MSH3: variants seen among roughly 807,000 people sequenced by gnomAD.
MSH3 encodes mutS homolog 3, also known as DNA mismatch repair protein Msh3.
MSH3 carries 106 observed loss-of-function variants against 123.3 expected under a neutral mutation model. The observed-to-expected ratio is 0.86, with a 90% confidence interval of 0.73 to 1.01. The LOEUF is 1.01. MSH3 is among the 50% of genes least tolerant of loss of function. The pLI is 0.00. For synonymous variants in MSH3, 515 were observed against 481.4 expected, an observed-to-expected ratio of 1.07 and a Z score of -0.91; for missense variants, 1,459 against 1,347.6, an observed-to-expected ratio of 1.08 and a Z score of -1.29.
intron 8 of MSH3, among the ~76,000 whole-genome samples, chr5:80,695,355 G>T (rs1750453733): frequency 1.3e-5 from 2 of 150,428 alleles, no homozygotes; most frequent in Non-Finnish European, 3.0e-5. Context: ...TTTTTTTTGA[G>T]ACAGAGTTTT....
At chr5:80,818,402 CAAAAAAA>C (rs71603566) in intron 20 of MSH3, among the ~76,000 whole-genome samples, 8 of 63,832 alleles carry the variant, frequency 1.3e-4, no homozygotes, top group African/African-American at 3.8e-4. Context: ...ATAGCAATGA[CAAAAAAA>C]AAAAAAAAAA....
chr5:80,657,501 C>T (rs1324910617), intron 2 of MSH3, among the ~76,000 whole-genome samples: 1 of 152,072 alleles, frequency 6.6e-6, no homozygotes, highest in Non-Finnish European at 1.5e-5. Flanking sequence ...TGCCTGAGTG[C>T]CTGAGTTCCT....
At chr5:80,665,116 C>G (rs1036559470) in intron 2 of MSH3, 27 bp from the exon 3 acceptor site, 2 of 1,579,540 alleles carry the variant, frequency 1.3e-6, no homozygotes, top group Non-Finnish European at 1.7e-6. Flanking sequence ...TACTATTGTT[C>G]TGTTTTCTTC....
At chr5:80,738,231 C>A (rs766738179) in intron 10 of MSH3, among the ~76,000 whole-genome samples, 3 of 152,072 alleles carry the variant, frequency 2.0e-5, no homozygotes, top group Non-Finnish European at 2.9e-5. Flanking sequence ...AGCCTTCTAC[C>A]CCACCCCCTG....
chr5:80,873,724 G>A (rs27494), intron 23 of MSH3, among the ~76,000 whole-genome samples: 107,334 of 152,040 alleles, frequency 0.71, 37,891 homozygotes, highest in South Asian at 0.8. Context: ...ATCACAGTCA[G>A]TATCCACATG....
At chr5:80,766,092 A>T (rs1292164214) in intron 13 of MSH3, among the ~76,000 whole-genome samples, 3 of 151,734 alleles carry the variant, frequency 2.0e-5, no homozygotes, top group African/African-American at 7.3e-5. Flanking sequence ...ATCTTGTTTC[A>T]TGGTTGTAGT....
At chr5:80,814,638 C>G (rs183798925) in intron 20 of MSH3, among the ~76,000 whole-genome samples, 1 of 152,346 alleles carries the variant, frequency 6.6e-6, no homozygotes, top group African/African-American at 2.4e-5. Flanking sequence ...CAGATCTGCT[C>G]TGTCTTCTGG....
chr5:80,687,126 T>A (rs901914353), intron 8 of MSH3, among the ~76,000 whole-genome samples: 4 of 152,220 alleles, frequency 2.6e-5, no homozygotes, highest in African/African-American at 9.6e-5. Context: ...TACTCCTAAA[T>A]AATGATACAC....
rs148681431 is a variant in MSH3, at chr5:80,858,249, A to G, written c.3000+3933A>G. Among the ~76,000 whole-genome samples the G allele has an allele frequency of 6.3e-3, 965 of 151,974 alleles. 7 individuals carry two copies. Among genetic ancestry groups the G allele is most frequent in the South Asian group, 0.049 (234 of 4,802 alleles). ...TTTTTATAGAGATTGGGGTCTCACTATGTTGCCCAGGCTGGTCTCGTATTC... is the reference window on the plus strand; with the variant it reads ...TTTTTATAGAGATTGGGGTCTCACTGTGTTGCCCAGGCTGGTCTCGTATTC... On this transcript the variant is annotated intron_variant, in intron 21 of 23. Coordinates refer to ENST00000265081, the MANE Select transcript of MSH3 (RefSeq NM_002439.5).
chr5:80,790,440 T>C (rs1273271253), intron 18 of MSH3, among the ~76,000 whole-genome samples: 2 of 152,238 alleles, frequency 1.3e-5, no homozygotes, highest in African/African-American at 4.8e-5. Context: ...GTTTTATAAA[T>C]GTAAGATGCA....
chr5:80,860,102 G>A (rs1191434710), intron 21 of MSH3, among the ~76,000 whole-genome samples: 2 of 80,828 alleles, frequency 2.5e-5, no homozygotes, highest in Non-Finnish European at 4.8e-5. Context: ...ATACTTAAGT[G>A]TACATAAGCA....
chr5:80,824,579 A>C (rs1263397133), intron 20 of MSH3, among the ~76,000 whole-genome samples: 1 of 152,252 alleles, frequency 6.6e-6, no homozygotes, highest in African/African-American at 2.4e-5. Context: ...TGGAGAAATC[A>C]TGTGTTGAAT....
intron 19 of MSH3, among the ~76,000 whole-genome samples, chr5:80,799,519 T>TA (rs1383836975): frequency 1.4e-5 from 2 of 145,802 alleles, no homozygotes; most frequent in East Asian, 3.9e-4. Context: ...TTTTTTTTTT[T>TA]TTTTTTTTTT....
At chr5:80,699,809 A>G (rs2112837097) in intron 8 of MSH3, among the ~76,000 whole-genome samples, 1 of 152,238 alleles carries the variant, frequency 6.6e-6, no homozygotes, top group South Asian at 2.1e-4. Context: ...ATATTCCTTT[A>G]CAGCAAATAT....
chr5:80,777,283 T>C (rs919867115), intron 16 of MSH3, among the ~76,000 whole-genome samples: 11 of 151,106 alleles, frequency 7.3e-5, no homozygotes, highest in African/African-American at 2.5e-4. Flanking sequence ...TCTAATACCA[T>C]CTTTTTTTTT....
intron 1 of MSH3, chr5:80,655,276 C>T (rs1749244330): frequency 1.4e-5 from 4 of 280,536 alleles, no homozygotes; most frequent in African/African-American, 2.1e-5. Flanking sequence ...CGTCTTTTAA[C>T]CTCCATCCTT....
rs1319932690 is a variant in MSH3, at chr5:80,672,785, T to C, written c.954T>C (p.Ile318=). The change falls in exon 6 of 24, where the codon ATT becomes ATC. Residue 318 remains isoleucine (I), a synonymous_variant. Coordinates refer to ENST00000265081, the MANE Select transcript of MSH3 (RefSeq NM_002439.5). ...KQTETAALKA[I]GDNRSSLFSR... ...CTGAAACTGCAGCATTAAAGGCCATTGGAGACAACAGAAGTTCACTCTTTT... is the reference window on the plus strand; with the variant it reads ...CTGAAACTGCAGCATTAAAGGCCATCGGAGACAACAGAAGTTCACTCTTTT... The C allele has an allele frequency of 6.2e-7, 1 of 1,614,168 alleles. No homozygotes were observed. The highest frequency in any genetic ancestry group is 2.2e-5 in the East Asian group (1 of 44,870).
At chr5:80,682,275 C>A (rs927867799) in intron 8 of MSH3, among the ~76,000 whole-genome samples, 4 of 152,120 alleles carry the variant, frequency 2.6e-5, no homozygotes. Context: ...CTGTATTGTC[C>A]TTCAGTGTCC....
chr5:80,692,504 A>T (rs1750312637), intron 8 of MSH3, among the ~76,000 whole-genome samples: 1 of 106,714 alleles, frequency 9.4e-6, no homozygotes, highest in South Asian at 3.3e-4. Context: ...GTTTAGATAG[A>T]TAAACATGTA....
Sources: gnomAD v4.1 joint callset for allele counts (sites outside exome capture counted in the v4.1 genomes callset) on GRCh38, gnomAD v4.1.1 for gene constraint, MANE v1.5 for transcripts, NCBI Gene and HGNC (gene_info 2026-07-23, HGNC 2026-07-21) for gene names.